Variants in CIMIP1 observed in about 807,000 individuals in gnomAD.
The protein encoded by CIMIP1 is low in lung cancer 1.
the CIMIP1 span, among the ~76,000 whole-genome samples, chr20:58,151,465 G>GT: frequency 6.6e-6 from 1 of 152,032 alleles, no homozygotes. Flanking sequence ...CCAGGCTGGA[G>GT]TGCAGTGGCG....
At chr20:58,155,531 C>T in the CIMIP1 span, 3 of 1,614,176 alleles carry the variant, frequency 1.9e-6, no homozygotes, top group Admixed American at 1.7e-5. Context: ...TGAGCGTTTC[C>T]GCATCCGGCC....
At chr20:58,157,043 T>C in the CIMIP1 span, among the ~76,000 whole-genome samples, 3 of 152,176 alleles carry the variant, frequency 2.0e-5, no homozygotes, top group African/African-American at 2.4e-5. Context: ...TAAAGCAATA[T>C]AGAGTCACTG....
At chr20:58,152,415 C>T in the CIMIP1 span, among the ~76,000 whole-genome samples, 1 of 139,862 alleles carries the variant, frequency 7.1e-6, no homozygotes. Flanking sequence ...TGACAAATTA[C>T]GATGATTTAT....
the CIMIP1 span, among the ~76,000 whole-genome samples, chr20:58,160,008 T>A: frequency 1.2e-4 from 18 of 152,176 alleles, no homozygotes; most frequent in Non-Finnish European, 1.3e-4. Context: ...CTAGAACAAA[T>A]GTCCCGCACT....
At chr20:58,155,468 T>C in the CIMIP1 span, 92 of 1,612,432 alleles carry the variant, frequency 5.7e-5, no homozygotes, top group African/African-American at 1.1e-3. Context: ...TCTGTTTCAG[T>C]TGATCAAGTG....
chr20:58,158,645 G>A, the CIMIP1 span, among the ~76,000 whole-genome samples: 150,866 of 151,870 alleles, frequency 0.99, 74,945 homozygotes, highest in East Asian at 1. Context: ...GTAAGACTCC[G>A]TCTCAAAAAA....
chr20:58,155,904 A>C, the CIMIP1 span, among the ~76,000 whole-genome samples: 1 of 152,238 alleles, frequency 6.6e-6, no homozygotes, highest in South Asian at 2.1e-4. Flanking sequence ...CTCTGGAATC[A>C]GACCACCAGA....
At chr20:58,158,687 C>T in the CIMIP1 span, among the ~76,000 whole-genome samples, 4 of 152,050 alleles carry the variant, frequency 2.6e-5, no homozygotes, top group African/African-American at 4.8e-5. Flanking sequence ...CTTCTTCCAC[C>T]TTTCTTCCAC....
the CIMIP1 span, among the ~76,000 whole-genome samples, chr20:58,152,403 C>T: frequency 1.3e-5 from 2 of 149,758 alleles, no homozygotes; most frequent in Non-Finnish European, 3.0e-5. Flanking sequence ...GTGTAAACTG[C>T]GTGACAAATT....
chr20:58,151,737 C>T, the CIMIP1 span, among the ~76,000 whole-genome samples: 215 of 152,020 alleles, frequency 1.4e-3, 1 homozygote, highest in African/African-American at 4.8e-3. Flanking sequence ...AAAAAGAAAG[C>T]AAAAATCCTA....
chr20:58,157,912 C>G, the CIMIP1 span, among the ~76,000 whole-genome samples: 12 of 152,266 alleles, frequency 7.9e-5, no homozygotes, highest in African/African-American at 2.6e-4. Flanking sequence ...TTAATTCTGC[C>G]AACTCCCTGC....
At chr20:58,157,437 G>A in the CIMIP1 span, among the ~76,000 whole-genome samples, 6 of 152,232 alleles carry the variant, frequency 3.9e-5, no homozygotes, top group African/African-American at 9.6e-5. Context: ...TCATGTATAC[G>A]TATATACACA....
the CIMIP1 span, chr20:58,153,477 A>C: frequency 8.3e-7 from 1 of 1,199,724 alleles, no homozygotes; most frequent in African/African-American, 1.5e-5. Context: ...GGAGAATGGA[A>C]ATGTCCCCCA....
At chr20:58,152,518 T>C in the CIMIP1 span, among the ~76,000 whole-genome samples, 1 of 151,400 alleles carries the variant, frequency 6.6e-6, no homozygotes, top group East Asian at 1.9e-4. Flanking sequence ...AGGCCAGGAG[T>C]TGAAGACCAG....
the CIMIP1 span, among the ~76,000 whole-genome samples, chr20:58,152,162 T>A: frequency 4.6e-5 from 7 of 152,244 alleles, no homozygotes; most frequent in African/African-American, 1.4e-4. Flanking sequence ...TCATTTGGCA[T>A]AAAATACACA....
At chr20:58,160,747 G>A in the CIMIP1 span, 1 of 1,614,152 alleles carries the variant, frequency 6.2e-7, no homozygotes, top group Non-Finnish European at 8.5e-7. Context: ...AGTGCCTAGA[G>A]CTCGACGATG....
chr20:58,160,376 A>T, the CIMIP1 span, among the ~76,000 whole-genome samples: 1 of 152,226 alleles, frequency 6.6e-6, no homozygotes, highest in Non-Finnish European at 1.5e-5. Flanking sequence ...ATATTTCTGC[A>T]TCTTTTTTTC....
the CIMIP1 span, among the ~76,000 whole-genome samples, chr20:58,157,467 A>G: frequency 2.6e-5 from 4 of 152,154 alleles, no homozygotes; most frequent in African/African-American, 9.7e-5. Flanking sequence ...ATACACACAT[A>G]CTTTTTAGGT....
chr20:58,159,938 A>G, the CIMIP1 span, among the ~76,000 whole-genome samples: 3 of 152,216 alleles, frequency 2.0e-5, no homozygotes, highest in Non-Finnish European at 4.4e-5. Flanking sequence ...GGCAGGTTCC[A>G]TTAGTAAAAG....
Sources: allele counts gnomAD v4.1 joint callset (sites outside exome capture counted in the v4.1 genomes callset), GRCh38; gene constraint gnomAD v4.1.1; transcripts MANE v1.5; gene names NCBI Gene and HGNC (gene_info 2026-07-23, HGNC 2026-07-21).